UAP1: variants seen among roughly 807,000 people sequenced by gnomAD.
UAP1 encodes UDP-N-acetylglucosamine pyrophosphorylase 1, also known as UDP-N-acetylhexosamine pyrophosphorylase.
Under a neutral mutation model 58.5 loss-of-function variants are expected in UAP1, and 25 were observed. The observed-to-expected ratio is 0.43, with a 90% CI of 0.31 to 0.60. The LOEUF (loss-of-function observed/expected upper bound fraction) is 0.60, where lower values mean the gene tolerates loss of function less well. UAP1 is among the 20% of genes least tolerant of loss of function. The pLI is 0.11. For missense variants in UAP1, 575 were observed against 630.0 expected (o/e 0.91, Z 0.93); for synonymous variants, 208 against 213.0 (o/e 0.98, Z 0.21).
chr1:162,582,507 CAGT>C (rs1354274386), intron 5 of UAP1, among the ~76,000 whole-genome samples: 4 of 152,100 alleles, frequency 2.6e-5, no homozygotes, highest in Non-Finnish European at 4.4e-5. Context: ...CATTTTGACT[CAGT>C]GGAGGAAATG....
At chr1:162,589,317 T>A (rs1655157126) in intron 7 of UAP1, among the ~76,000 whole-genome samples, 1 of 137,094 alleles carries the variant, frequency 7.3e-6, no homozygotes, top group African/African-American at 2.7e-5. Context: ...TATAAATAAA[T>A]ATATATTTAT....
intron 5 of UAP1, among the ~76,000 whole-genome samples, chr1:162,584,312 G>A (rs1179940520): frequency 2.0e-5 from 3 of 152,188 alleles, no homozygotes; most frequent in African/African-American, 4.8e-5. Flanking sequence ...AACATGACTA[G>A]ACTGGCATAT....
chr1:162,589,158 ATATAT>A (rs1467652319), intron 7 of UAP1, among the ~76,000 whole-genome samples: 24 of 66,816 alleles, frequency 3.6e-4, no homozygotes, highest in Non-Finnish European at 5.5e-4. Context: ...AATATATATT[ATATAT>A]AATATATAAA....
intron 6 of UAP1, among the ~76,000 whole-genome samples, chr1:162,588,414 T>C (rs1655050426): frequency 6.6e-6 from 1 of 152,242 alleles, no homozygotes; most frequent in South Asian, 2.1e-4. Context: ...CGTTTTTTAA[T>C]GTACATATAT....
chr1:162,599,873 A>G (rs1655831845), downstream of UAP1: 1 of 152,282 alleles, frequency 6.6e-6, no homozygotes, highest in East Asian at 1.9e-4. Flanking sequence ...TTTCATTGAG[A>G]AAATATGAAA....
chr1:162,578,545 T>G (rs1654355200), intron 3 of UAP1, among the ~76,000 whole-genome samples: 1 of 152,214 alleles, frequency 6.6e-6, no homozygotes. Flanking sequence ...AACATTCTAC[T>G]TACAGCCCTG....
intron 7 of UAP1, among the ~76,000 whole-genome samples, chr1:162,589,849 G>A (rs541987833): frequency 6.6e-6 from 1 of 152,126 alleles, no homozygotes; most frequent in Admixed American, 6.6e-5. Flanking sequence ...GTGCATGCCT[G>A]AAGTCCCAGC....
intron 2 of UAP1, among the ~76,000 whole-genome samples, chr1:162,573,253 G>A (rs1157020168): frequency 1.3e-5 from 2 of 152,040 alleles, no homozygotes; most frequent in African/African-American, 2.4e-5. Flanking sequence ...CATTTAGGAT[G>A]GTGGGTAAGA....
At chr1:162,587,513 G>A (rs757516410) in exon 6 of UAP1, 1 of 1,613,982 alleles carries the variant, frequency 6.2e-7, no homozygotes, top group South Asian at 1.1e-5. Flanking sequence ...CAGTTGGAGT[G>A]GTTTGCCGAG....
At chr1:162,581,578 C>A in intron 5 of UAP1, 119 bp downstream of exon 5, 1 of 1,064,398 alleles carries the variant, frequency 9.4e-7, no homozygotes, top group Non-Finnish European at 1.3e-6. Context: ...ATTTATCTCT[C>A]TAAAGTAACT....
rs77713200 is a variant in UAP1 at position 162,567,783 on chromosome 1, G to A, written c.280+1435G>A. On this transcript the variant is annotated intron_variant, in intron 2 of 10. Coordinates refer to ENST00000271469, the Ensembl canonical transcript of UAP1. ...ACATTACCACCCAGTACTTGATTGT[G>A]TACATATTTTTTTGTTTCTTTGTGG... is the stretch of plus-strand genomic sequence containing the variant. 9.4e-3 allele frequency among the ~76,000 whole-genome samples: 1,427 copies of A among 152,170 alleles called. 16 individuals are homozygous for A. The highest frequency in any genetic ancestry group is 0.032 in the African/African-American group (1,344 of 41,514).
chr1:162,599,407 T>C, exon 11 of UAP1: 1 of 1,307,570 alleles, frequency 7.6e-7, no homozygotes, highest in Non-Finnish European at 1.1e-6. Context: ...ATAGCTTTTA[T>C]TTTTGATAGA....
chr1:162,572,320 A>G (rs992669491), intron 2 of UAP1, among the ~76,000 whole-genome samples: 15 of 152,248 alleles, frequency 9.9e-5, no homozygotes, highest in African/African-American at 3.6e-4. Flanking sequence ...GGAATGAAGC[A>G]GTAATTTAGG....
At chr1:162,586,270 T>G (rs1654896378) in intron 5 of UAP1, among the ~76,000 whole-genome samples, 1 of 152,182 alleles carries the variant, frequency 6.6e-6, no homozygotes, top group Non-Finnish European at 1.5e-5. Context: ...TTAAACATAT[T>G]TTGAAGCATG....
intron 4 of UAP1, among the ~76,000 whole-genome samples, chr1:162,580,614 C>G (rs899599840): frequency 1.3e-5 from 2 of 152,180 alleles, no homozygotes; most frequent in Admixed American, 1.3e-4. Context: ...CAGTGGTGCT[C>G]TCTAGATGTA....
At chr1:162,593,823 A>G (rs1655468157) in intron 9 of UAP1, 1 of 152,088 alleles carries the variant, frequency 6.6e-6, no homozygotes, top group Non-Finnish European at 1.5e-5. Context: ...AGATCTGGAG[A>G]TGGAAGTTAT....
At chr1:162,566,871 G>A (rs530757823) in intron 2 of UAP1, among the ~76,000 whole-genome samples, 8 of 152,108 alleles carry the variant, frequency 5.3e-5, no homozygotes, top group South Asian at 2.1e-4. Flanking sequence ...AAGTGATTTC[G>A]CCTGCCTTGG....
At chr1:162,570,933 A>G (rs1653819148) in intron 2 of UAP1, among the ~76,000 whole-genome samples, 1 of 152,122 alleles carries the variant, frequency 6.6e-6, no homozygotes, top group Non-Finnish European at 1.5e-5. Context: ...GTAGGAAGTT[A>G]TCCAGGAAGC....
chr1:162,563,458 C>A (rs900367807), intron 1 of UAP1, among the ~76,000 whole-genome samples: 2 of 152,014 alleles, frequency 1.3e-5, no homozygotes, highest in Admixed American at 6.6e-5. Flanking sequence ...TCCGCCTCCC[C>A]GGTTCAGGCG....
Sources: gnomAD v4.1 joint callset for allele counts (sites outside exome capture counted in the v4.1 genomes callset) on GRCh38, gnomAD v4.1.1 for gene constraint, MANE v1.5 for transcripts, NCBI Gene and HGNC (gene_info 2026-07-23, HGNC 2026-07-21) for gene names.